TNNT2: variants seen among roughly 807,000 people sequenced by gnomAD.
TNNT2 encodes the protein troponin T2, cardiac type, also known as troponin T, cardiac muscle.
In TNNT2, 34 loss-of-function variants were observed where a neutral mutation model predicts 62.4. The ratio of observed to expected loss-of-function variants is 0.54; its 90% confidence interval spans 0.41 to 0.72. The LOEUF (loss-of-function observed/expected upper bound fraction) is 0.72. Ranked by LOEUF, TNNT2 falls within the 30% of genes least tolerant of loss-of-function variation. The pLI, the probability that TNNT2 is intolerant of heterozygous loss-of-function variation, is 0.00. For synonymous variants in TNNT2, 123 were observed against 127.2 expected, an observed-to-expected ratio of 0.97 and a Z score of 0.22; for missense variants, 275 against 381.9, an observed-to-expected ratio of 0.72 and a Z score of 2.33.
At chr1:201,361,860 C>T (rs1658705244) in intron 14 of TNNT2, 53 bp downstream of exon 14, 3 of 1,540,436 alleles carry the variant, frequency 1.9e-6, no homozygotes, top group Admixed American at 1.7e-5. Context: ...TGGCCCGACC[C>T]CTCCCAGAGC....
rs376666087 is a variant in TNNT2, at chr1:201,360,070, C to T, written c.811-407G>A. Among the ~76,000 whole-genome samples, 39 of 152,330 alleles carry T rather than the reference C, an allele frequency of 2.6e-4. No homozygotes were observed. The East Asian group carries it at 5.4e-3, about 21-fold the overall frequency. On this transcript the variant is annotated intron_variant, in intron 15 of 16. Transcript: ENST00000656932. ...GGAAGCTGTGCCCTTTGAGCAGTAGCATCCCCATGCACCACCCCTGCAGGG... is the reference window on the plus strand; with the variant it reads ...GGAAGCTGTGCCCTTTGAGCAGTAGTATCCCCATGCACCACCCCTGCAGGG...
At chr1:201,359,352 G>A (rs1483200449) in intron 16 of TNNT2, 97 bp from the exon 17 acceptor site, 1 of 1,449,034 alleles carries the variant, frequency 6.9e-7, no homozygotes, top group Non-Finnish European at 9.5e-7. Context: ...GGGGAGAGGA[G>A]CAGGCTGGAG....
chr1:201,367,921 GT>G, intron 6 of TNNT2, 115 bp from the exon 7 acceptor site: 1 of 1,305,380 alleles, frequency 7.7e-7, no homozygotes, highest in Non-Finnish European at 1.1e-6. Flanking sequence ...CACTCTGTTG[GT>G]TTTTGGGGTT....
intron 7 of TNNT2, chr1:201,367,103 G>C: frequency 1.5e-6 from 1 of 651,458 alleles, no homozygotes; most frequent in Non-Finnish European, 2.7e-6. Context: ...CACTCACGCA[G>C]TGTGGAACTT....
At chr1:201,372,555 T>G (rs1291225620) in intron 2 of TNNT2, among the ~76,000 whole-genome samples, 1 of 152,132 alleles carries the variant, frequency 6.6e-6, no homozygotes, top group Non-Finnish European at 1.5e-5. Flanking sequence ...CAGCCCCTGA[T>G]CTCCCTCTCC....
At chr1:201,366,971 C>A in intron 7 of TNNT2, 100 bp from the exon 8 acceptor site, 1 of 1,599,862 alleles carries the variant, frequency 6.3e-7, no homozygotes, top group South Asian at 1.1e-5. Flanking sequence ...TCCATTTCCC[C>A]ATCTGCACAG....
chr1:201,359,596 T>C (rs1005243006), intron 16 of TNNT2, 27 bp downstream of exon 16: 1 of 1,594,080 alleles, frequency 6.3e-7, no homozygotes, highest in Non-Finnish European at 8.6e-7. Context: ...GGGGGAGGGC[T>C]AGGCGAGAAT....
intron 1 of TNNT2, among the ~76,000 whole-genome samples, chr1:201,376,707 A>T (rs1450822046): frequency 1.3e-5 from 2 of 152,012 alleles, no homozygotes; most frequent in African/African-American, 2.4e-5. Context: ...ACACCAGGCA[A>T]CCCCCTCCCT....
chr1:201,361,477 C>T (rs972022085), intron 14 of TNNT2, 108 bp from the exon 15 acceptor site: 6 of 1,078,268 alleles, frequency 5.6e-6, no homozygotes, highest in Non-Finnish European at 8.6e-6. Flanking sequence ...CTTCCCACCT[C>T]CAGGCCTGCC....
intron 11 of TNNT2, 154 bp downstream of exon 11, chr1:201,364,144 A>C: frequency 1.3e-6 from 1 of 792,678 alleles, no homozygotes; most frequent in Non-Finnish European, 2.0e-6. Context: ...TTGGCCTCCC[A>C]AAGTGCTGGG....
intron 9 of TNNT2, 150 bp downstream of exon 9, chr1:201,365,460 C>G: frequency 8.4e-7 from 1 of 1,185,584 alleles, no homozygotes; most frequent in East Asian, 2.3e-5. Flanking sequence ...GAACCCAGGA[C>G]CACGCTCATG....
chr1:201,363,604 G>A (rs1455583455), intron 11 of TNNT2, 198 bp from the exon 12 acceptor site: 2 of 586,336 alleles, frequency 3.4e-6, no homozygotes, highest in African/African-American at 3.7e-5. Context: ...GATTGAATGA[G>A]GTCCTGATTC....
At position 201,366,203 on chromosome 1, in the gene TNNT2, G is replaced by A. The variant is rs564395796; in HGVS notation, c.234-533C>T. 4.8e-6 allele frequency: 5 copies of A among 1,031,276 alleles called. No individual in the cohort carries two copies. In the African/African-American group the frequency reaches 5.1e-5, roughly 10 times the overall value. The allele number at this position is 1,031,276 out of a possible 1,614,324, so 63.9% of individuals were successfully genotyped here. A position where few individuals can be genotyped will look rare whatever the true frequency, so the allele number is the denominator to read the frequency against. The stretch of plus-strand genomic sequence containing the variant: ...CCGCAGTGCACAAGAGGCCAGGAAG[G>A]GGGAAGGCACTGGGCAAATAAATGG... On this transcript the variant is annotated intron_variant, in intron 8 of 16. Transcript: ENST00000656932.
In TNNT2 at chr1:201,361,338, A is replaced by G. The variant is rs1571600689; in HGVS notation, c.751T>C (p.Tyr251His). ...EKAKELWQSI[Y>H]NLEAEKFDLQ... is the part of the protein sequence containing the mutation. The stretch of plus-strand genomic sequence containing the variant: ...TCGAACTTCTCTGCCTCCAAGTTAT[A>G]GATGCTCTGCCACAGCTCCTTGGCC... The change falls in exon 15 of 17, where the codon TAT (tyrosine) becomes CAT (histidine). Residue 251 changes from tyrosine to histidine, a missense_variant. Transcript: ENST00000656932. 2 of 1,614,138 alleles carry G rather than the reference A, an allele frequency of 1.2e-6. No homozygotes were observed. Among genetic ancestry groups the G allele is most frequent in the South Asian group, 1.1e-5 (1 of 91,084 alleles).
intron 12 of TNNT2, among the ~76,000 whole-genome samples, chr1:201,362,899 T>G (rs1418759091): frequency 6.6e-6 from 1 of 152,156 alleles, no homozygotes; most frequent in African/African-American, 2.4e-5. Context: ...GAGTGCCAGT[T>G]GAGGAAACCG....
chr1:201,359,504 C>T, intron 16 of TNNT2, 119 bp downstream of exon 16: 2 of 1,134,268 alleles, frequency 1.8e-6, no homozygotes, highest in Non-Finnish European at 2.6e-6. Flanking sequence ...AACCTGTGGG[C>T]TGAAGCAGAG....
chr1:201,371,277 A>G (rs1660572309), intron 4 of TNNT2, among the ~76,000 whole-genome samples: 1 of 152,180 alleles, frequency 6.6e-6, no homozygotes, highest in African/African-American at 2.4e-5. Context: ...AGCTCTCAGG[A>G]AGAAGGGAAG....
At chr1:201,365,946 C>T (rs908272419) in intron 8 of TNNT2, 60 of 1,303,534 alleles carry the variant, frequency 4.6e-5, no homozygotes, top group Non-Finnish European at 5.7e-5. Flanking sequence ...AGAACTGAGG[C>T]TCAGGGAGGT....
rs778890563 is a variant in TNNT2, at chr1:201,377,617, C to A, written c.-15+6G>T. 7.0e-5 allele frequency: 32 copies of A among 456,184 alleles called. No homozygotes were observed. The highest frequency in any genetic ancestry group is 2.8e-4 in the African/African-American group (14 of 50,084). 28.3% of individuals were successfully genotyped at this position (456,184 alleles called of 1,614,324 possible). A position where few individuals can be genotyped will look rare whatever the true frequency, so the allele number is the denominator to read the frequency against. ...CCTCTTCCCCAGAGCCCTGCCCGAGCCTTACCTCAGAACAGCAGCTGCCGA... is the reference window on the plus strand; with the variant it reads ...CCTCTTCCCCAGAGCCCTGCCCGAGACTTACCTCAGAACAGCAGCTGCCGA... On this transcript the variant is annotated splice_donor_region_variant and intron_variant, in intron 1 of 16. Coordinates refer to ENST00000656932, the MANE Select transcript of TNNT2 (RefSeq NM_001276345.2).
Sources: gnomAD v4.1 joint callset for allele counts (sites outside exome capture counted in the v4.1 genomes callset) on GRCh38, gnomAD v4.1.1 for gene constraint, MANE v1.5 for transcripts, NCBI Gene and HGNC (gene_info 2026-07-23, HGNC 2026-07-21) for gene names.